Variants in PIKFYVE observed in about 807,000 individuals in gnomAD.
PIKFYVE encodes the protein phosphoinositide kinase, FYVE-type zinc finger containing.
PIKFYVE carries 122 observed loss-of-function variants against 257.9 expected under a neutral mutation model. The observed-to-expected ratio is 0.47, with a 90% CI of 0.41 to 0.55. The LOEUF is 0.55. PIKFYVE is among the 20% of genes least tolerant of loss of function. PIKFYVE has a pLI of 0.00. For synonymous variants in PIKFYVE, 892 were observed against 868.9 expected (o/e 1.03, Z -0.47); for missense variants, 2,160 against 2,536.6 (o/e 0.85, Z 3.19).
chr2:208,350,177 T>A, intron 36 of PIKFYVE, 94 bp downstream of exon 36: 1 of 1,536,016 alleles, frequency 6.5e-7, no homozygotes, highest in South Asian at 1.3e-5. Context: ...ACTAAATAAA[T>A]GTCCCAGTTC....
intron 7 of PIKFYVE, among the ~76,000 whole-genome samples, chr2:208,289,756 T>C (rs1341509930): frequency 6.6e-6 from 1 of 151,908 alleles, no homozygotes; most frequent in Non-Finnish European, 1.5e-5. Flanking sequence ...AATACAGAGA[T>C]GGGGTTTCAC....
chr2:208,303,180 A>G (rs1329589330), intron 10 of PIKFYVE, among the ~76,000 whole-genome samples: 4 of 152,166 alleles, frequency 2.6e-5, no homozygotes, highest in Admixed American at 2.6e-4. Context: ...AACTTCAAAA[A>G]AAGATATACT....
At chr2:208,268,203 T>C (rs572480738) in intron 1 of PIKFYVE, among the ~76,000 whole-genome samples, 1 of 152,226 alleles carries the variant, frequency 6.6e-6, no homozygotes, top group South Asian at 2.1e-4. Context: ...GGGTTTATAT[T>C]TCAGAGACTA....
chr2:208,332,233 G>A (rs6435447), intron 23 of PIKFYVE, among the ~76,000 whole-genome samples: 149,944 of 152,302 alleles, frequency 0.98, 73,847 homozygotes, highest in East Asian at 1. Context: ...TAGTAGTCAG[G>A]TAAGCATAAA....
intron 2 of PIKFYVE, among the ~76,000 whole-genome samples, chr2:208,272,094 G>C (rs548635362): frequency 6.6e-6 from 1 of 151,962 alleles, no homozygotes; most frequent in Non-Finnish European, 1.5e-5. Flanking sequence ...AATTAGCCGG[G>C]CATGGTGGCA....
intron 37 of PIKFYVE, among the ~76,000 whole-genome samples, 195 bp from the exon 38 acceptor site, chr2:208,351,157 T>G (rs1165449084): frequency 7.2e-5 from 11 of 152,132 alleles, no homozygotes; most frequent in Non-Finnish European, 1.6e-4. Context: ...AAGTAGAGGG[T>G]TTTTGACTAT....
rs544836256 is a variant in PIKFYVE at position 208,330,005 on chromosome 2, A to T, written c.3791+92A>T. On this transcript the variant is annotated intron_variant, in intron 22 of 41. Coordinates refer to ENST00000264380, the MANE Select transcript of PIKFYVE (RefSeq NM_015040.4). Reference sequence around the variant, plus strand: ...GTAAACATGAGTCGGATGTTAAGTGACTGTTACATGATCCTCACTTTCATA... The same window carrying T: ...GTAAACATGAGTCGGATGTTAAGTGTCTGTTACATGATCCTCACTTTCATA... The T allele has an allele frequency of 2.2e-5, 34 of 1,516,512 alleles. No individual in the cohort carries two copies. The African/African-American group carries it at 4.0e-4, about 18-fold the overall frequency. The allele number at this position is 1,516,512 out of a possible 1,614,324, so 93.9% of individuals were successfully genotyped here.
rs578142237 is a variant in PIKFYVE at position 208,321,814 on chromosome 2, A to G, written c.2190+1455A>G. Reference sequence around the variant, plus strand: ...AGGCTGGTCTTGAGCTCCAGATGTCAGGTGATCCGCCCGAGGCGTCCCAAA... The same window carrying G: ...AGGCTGGTCTTGAGCTCCAGATGTCGGGTGATCCGCCCGAGGCGTCCCAAA... On this transcript the variant is annotated intron_variant, in intron 17 of 41. Transcript: ENST00000264380. Among the ~76,000 whole-genome samples the G allele has an allele frequency of 4.2e-3, 644 of 152,150 alleles. 2 individuals carry two copies. Among genetic ancestry groups the G allele is most frequent in the Non-Finnish European group, 6.9e-3 (467 of 67,986 alleles).
chr2:208,284,103 T>G (rs1691213659), intron 5 of PIKFYVE, among the ~76,000 whole-genome samples: 1 of 152,172 alleles, frequency 6.6e-6, no homozygotes, highest in Non-Finnish European at 1.5e-5. Context: ...TTTACCTCCT[T>G]TTTTAATACC....
In PIKFYVE at chr2:208,324,142, G is replaced by A; in HGVS notation, c.2191G>A (p.Glu731Lys). ...AATATTTCTGATTTATCTTACTTAGGAAAGGGAATTCTTGAAGAATTATGT... is the reference window on the plus strand; with the variant it reads ...AATATTTCTGATTTATCTTACTTAGAAAAGGGAATTCTTGAAGAATTATGT... Reference protein sequence around the residue: ...FTCIDPIVLQEREFLKNYVQR... With the variant: ...FTCIDPIVLQKREFLKNYVQR... Residue 731 changes from glutamate (E) to lysine (K), a missense_variant and splice_region_variant, in exon 18 of 42, where the codon GAA becomes AAA. This residue lies in a region of PIKFYVE where 346 missense variants were observed against 365.6 expected (regional missense o/e 0.95). Coordinates refer to ENST00000264380, the MANE Select transcript of PIKFYVE (RefSeq NM_015040.4). 6.2e-7 allele frequency: 1 copy of A among 1,613,008 alleles called. No homozygotes were observed. The highest frequency in any genetic ancestry group is 8.5e-7 in the Non-Finnish European group (1 of 1,179,062).
intron 17 of PIKFYVE, among the ~76,000 whole-genome samples, chr2:208,320,656 T>C (rs934636085): frequency 1.3e-5 from 2 of 152,202 alleles, no homozygotes; most frequent in African/African-American, 4.8e-5. Flanking sequence ...TCTAATGGAA[T>C]CTCTGGTTTG....
At chr2:208,286,297 A>G (rs1691565233) in intron 6 of PIKFYVE, among the ~76,000 whole-genome samples, 1 of 152,190 alleles carries the variant, frequency 6.6e-6, no homozygotes, top group African/African-American at 2.4e-5. Context: ...TTAATTTCTA[A>G]TGTAGCCTTC....
At position 208,345,961 on chromosome 2, in the gene PIKFYVE, G is replaced by A. The variant is rs574012244; in HGVS notation, c.5112-89G>A. The A allele has an allele frequency of 4.1e-4, 364 of 879,252 alleles. 1 individual carries two copies. In the African/African-American group the frequency reaches 5.6e-3, roughly 14 times the overall value. 54.5% of individuals were successfully genotyped at this position (879,252 alleles called of 1,614,324 possible). ...GTGGGCTTAGGTAGGAAGTAAATCA[G>A]TGTACAGCGTAATTAGTGTAGAGTA... On this transcript the variant is annotated intron_variant, in intron 33 of 41. Transcript: ENST00000264380.
At chr2:208,269,573 G>T in intron 1 of PIKFYVE, 1 of 284,090 alleles carries the variant, frequency 3.5e-6, no homozygotes, top group Non-Finnish European at 7.1e-6. Flanking sequence ...TGGAGCATGG[G>T]CAGGAAAGTC....
intron 12 of PIKFYVE, 93 bp from the exon 13 acceptor site, chr2:208,312,143 G>A: frequency 2.1e-6 from 2 of 934,076 alleles, no homozygotes; most frequent in Non-Finnish European, 3.5e-6. Flanking sequence ...AATATTTTGT[G>A]TGTGGGCGTA....
rs1260778760 is a variant in PIKFYVE at position 208,317,961 on chromosome 2, C to T, written c.2082+20C>T. The T allele has an allele frequency of 8.4e-7, 1 of 1,196,118 alleles. No individual in the cohort carries two copies. The allele number at this position is 1,196,118 out of a possible 1,614,324, so 74.1% of individuals were successfully genotyped here. On this transcript the variant is annotated intron_variant, in intron 16 of 41. Transcript: ENST00000264380. ...AAAAAGGTAATGTGATTCAGTTCAG[C>T]AGTGAAGTTCAGCAAACCATGGCTG...
chr2:208,319,165 G>T (rs1385986557), intron 16 of PIKFYVE, among the ~76,000 whole-genome samples: 1 of 152,174 alleles, frequency 6.6e-6, no homozygotes, highest in Non-Finnish European at 1.5e-5. Flanking sequence ...TTTCTAGCCT[G>T]AGCAACCAGA....
At chr2:208,272,759 A>G (rs1255793917) in intron 2 of PIKFYVE, among the ~76,000 whole-genome samples, 1 of 152,106 alleles carries the variant, frequency 6.6e-6, no homozygotes, top group Non-Finnish European at 1.5e-5. Context: ...AAGTGCTATG[A>G]AAACCCTTTA....
chr2:208,341,674 G>C (rs1698714967), intron 31 of PIKFYVE, among the ~76,000 whole-genome samples: 1 of 152,172 alleles, frequency 6.6e-6, no homozygotes, highest in South Asian at 2.1e-4. Context: ...TGTGGTGGAA[G>C]GAGGCTGAGA....
Sources: gnomAD v4.1 joint callset for allele counts (sites outside exome capture counted in the v4.1 genomes callset) on GRCh38, gnomAD v4.1.1 for gene constraint, gnomAD v4.1.1 regional missense constraint, MANE v1.5 for transcripts, NCBI Gene and HGNC (gene_info 2026-07-23, HGNC 2026-07-21) for gene names.